CAND1: variants seen among roughly 807,000 people sequenced by gnomAD.
The protein encoded by CAND1 is cullin-associated NEDD8-dissociated protein 1.
CAND1 carries 7 observed loss-of-function variants against 108.5 expected under a neutral mutation model. That is an observed-to-expected ratio of 0.06 (90% CI 0.04 to 0.12). The LOEUF (loss-of-function observed/expected upper bound fraction) is 0.12, where lower values mean the gene tolerates loss of function less well. Among genes scored for constraint, CAND1 ranks in the 10% least tolerant of loss-of-function variants. The pLI, the probability that CAND1 is intolerant of heterozygous loss-of-function variation, is 1.00. For missense variants in CAND1, 941 were observed against 1,448.7 expected, an observed-to-expected ratio of 0.65 and a Z score of 5.69; for synonymous variants, 534 against 512.0, an observed-to-expected ratio of 1.04 and a Z score of -0.58.
chr12:67,302,690 G>A, intron 8 of CAND1, 75 bp downstream of exon 8: 1 of 1,304,126 alleles, frequency 7.7e-7, no homozygotes, highest in Non-Finnish European at 1.1e-6. Context: ...ATATGGAAAG[G>A]TGAGTTCCAG....
intron 4 of CAND1, chr12:67,297,145 T>G: frequency 2.0e-6 from 1 of 508,512 alleles, no homozygotes. Context: ...GCCAATCAAT[T>G]AGATATCCTA....
chr12:67,310,909 A>G (rs1475902626), intron 13 of CAND1: 1 of 152,136 alleles, frequency 6.6e-6, no homozygotes, highest in Non-Finnish European at 1.5e-5. Context: ...ATGTTTGGAT[A>G]ATGAATTTTG....
intron 4 of CAND1, 61 bp from the exon 5 acceptor site, chr12:67,297,346 G>T: frequency 6.8e-7 from 1 of 1,461,768 alleles, no homozygotes; most frequent in South Asian, 1.2e-5. Context: ...CAGACATTTA[G>T]TAGTGGCCAG....
chr12:67,292,670 T>C lies in CAND1; in HGVS notation c.261T>C (p.Ile87=). ...SKVKEYQVET[I]VDTLCTNMLS... is the part of the protein sequence containing the mutation. ...TGAAAGAATACCAAGTAGAGACAATTGTAGATACCCTCTGCACTAACATGC... is the reference window on the plus strand; with the variant it reads ...TGAAAGAATACCAAGTAGAGACAATCGTAGATACCCTCTGCACTAACATGC... Residue 87 remains isoleucine, a synonymous_variant, in exon 3 of 15, where the codon ATT becomes ATC. Coordinates refer to ENST00000545606, the MANE Select transcript of CAND1 (RefSeq NM_018448.5). 1 of 1,613,050 alleles carries C rather than the reference T, an allele frequency of 6.2e-7. No individual in the cohort carries two copies. Among genetic ancestry groups the C allele is most frequent in the South Asian group, 1.1e-5 (1 of 90,950 alleles).
chr12:67,277,989 AT>A (rs2044585409), intron 1 of CAND1, among the ~76,000 whole-genome samples: 2 of 152,180 alleles, frequency 1.3e-5, no homozygotes, highest in Non-Finnish European at 1.5e-5. Flanking sequence ...CATTGCATTT[AT>A]TCCCCATCTG....
chr12:67,305,996 G>A lies in CAND1; in HGVS notation c.2328G>A (p.Leu776=). 6.2e-7 allele frequency: 1 copy of A among 1,614,172 alleles called. No homozygotes were observed. The highest frequency in any genetic ancestry group is 8.5e-7 in the Non-Finnish European group (1 of 1,180,018). Residue 776 remains leucine, a synonymous_variant, in exon 10 of 15, where the codon TTG becomes TTA. Transcript: ENST00000545606. This position sits in a 1 kb window ranked among gnomAD's most constrained non-coding sequence, Gnocchi z 4.4. ...ATAATTTAGGATACATGGATTTGTT[G>A]CGCATGCTGACTGGTCCAGTTTACT... ...GTNNLGYMDL[L]RMLTGPVYSQ...
chr12:67,304,491 A>T, intron 8 of CAND1, 114 bp from the exon 9 acceptor site: 1 of 1,122,718 alleles, frequency 8.9e-7, no homozygotes, highest in Non-Finnish European at 1.3e-6. Context: ...TGAATTAGGA[A>T]TTTAACAAAA....
At chr12:67,287,857 ATTTTT>A (rs34177330) in intron 2 of CAND1, among the ~76,000 whole-genome samples, 1 of 112,590 alleles carries the variant, frequency 8.9e-6, no homozygotes, top group Non-Finnish European at 1.8e-5. Context: ...TTTTGATGTG[ATTTTT>A]TTTTTTTTTT....
At chr12:67,304,504 A>G in intron 8 of CAND1, 101 bp from the exon 9 acceptor site, 1 of 1,261,026 alleles carries the variant, frequency 7.9e-7, no homozygotes, top group Non-Finnish European at 1.1e-6. Context: ...TAACAAAAAA[A>G]GATAAACTCT....
At chr12:67,290,971 C>T (rs1245263451) in intron 2 of CAND1, among the ~76,000 whole-genome samples, 3 of 152,184 alleles carry the variant, frequency 2.0e-5, no homozygotes, top group Non-Finnish European at 4.4e-5. Flanking sequence ...TTATGAGAAT[C>T]TAGTGCCTGA....
At chr12:67,292,937 A>G in intron 3 of CAND1, 161 bp downstream of exon 3, 1 of 609,460 alleles carries the variant, frequency 1.6e-6, no homozygotes, top group Non-Finnish European at 2.9e-6. Context: ...GTGAAGCCTT[A>G]TTTTCCTTAG....
intron 14 of CAND1, 83 bp from the exon 15 acceptor site, chr12:67,312,523 C>A (rs1186310900): frequency 8.8e-6 from 7 of 792,238 alleles, no homozygotes; most frequent in Middle Eastern, 5.5e-4. Context: ...TAGCTTTTAG[C>A]AGGAAGATCT....
chr12:67,287,955 T>A (rs909599419), intron 2 of CAND1, among the ~76,000 whole-genome samples: 1 of 151,278 alleles, frequency 6.6e-6, no homozygotes, highest in South Asian at 2.1e-4. Flanking sequence ...AATTGAATTC[T>A]ACTGTGGTCA....
intron 8 of CAND1, among the ~76,000 whole-genome samples, chr12:67,303,829 G>A (rs549535487): frequency 6.6e-6 from 1 of 152,184 alleles, no homozygotes; most frequent in South Asian, 2.1e-4. Flanking sequence ...CCTTCTAACA[G>A]CAAATGGAAA....
At chr12:67,281,195 T>G (rs1486853468) in intron 1 of CAND1, among the ~76,000 whole-genome samples, 2 of 151,900 alleles carry the variant, frequency 1.3e-5, no homozygotes, top group African/African-American at 2.4e-5. Flanking sequence ...CTGGGCGTGG[T>G]GACAGGCGCC....
At chr12:67,271,714 G>A (rs1345433011) in intron 1 of CAND1, among the ~76,000 whole-genome samples, 1 of 152,188 alleles carries the variant, frequency 6.6e-6, no homozygotes, top group Admixed American at 6.5e-5. Context: ...ACAATTCCTG[G>A]AGGATTAGTG....
intron 1 of CAND1, among the ~76,000 whole-genome samples, chr12:67,272,504 A>G (rs1194943042): frequency 2.6e-5 from 4 of 152,190 alleles, no homozygotes; most frequent in African/African-American, 4.8e-5. Flanking sequence ...CTGCATTTTA[A>G]AAGAATCTTT....
chr12:67,301,758 A>G (rs2044826780), intron 7 of CAND1, among the ~76,000 whole-genome samples: 1 of 152,222 alleles, frequency 6.6e-6, no homozygotes, highest in Admixed American at 6.5e-5. Context: ...CTTATCAACA[A>G]GTTGAGTGAA....
rs757046831 is a variant in CAND1, at chr12:67,297,633, G to T, written c.718G>T (p.Ala240Ser). The change falls in exon 5 of 15, where the codon GCT (alanine) becomes TCT (serine). Residue 240 changes from alanine (A) to serine (S), a missense_variant. This residue lies in a region of CAND1 where 697 missense variants were observed against 942.0 expected (regional missense o/e 0.74). Transcript: ENST00000545606. ...AAGAACCTACATACAATGTATTGCT[G>T]CTATTAGTAGGCAAGCTGGTCATAG... is the stretch of plus-strand genomic sequence containing the variant. ...TTRTYIQCIA[A>S]ISRQAGHRIG... The T allele has an allele frequency of 8.1e-6, 13 of 1,613,176 alleles. No individual in the cohort carries two copies. In the South Asian group the frequency reaches 1.4e-4, roughly 18 times the overall value.
Sources: allele counts gnomAD v4.1 joint callset (sites outside exome capture counted in the v4.1 genomes callset), GRCh38; gene constraint gnomAD v4.1.1; regional missense constraint gnomAD v4.1.1; non-coding constraint Gnocchi (gnomAD v3.1); transcripts MANE v1.5; gene names NCBI Gene and HGNC (gene_info 2026-07-23, HGNC 2026-07-21).